Variants in ADAM22 observed in about 807,000 individuals in gnomAD.
ADAM22 encodes the protein ADAM metallopeptidase domain 22, also known as disintegrin and metalloproteinase domain-containing protein 22.
In ADAM22, 65 loss-of-function variants were observed where a neutral mutation model predicts 144.6. The observed-to-expected ratio is 0.45, with a 90% CI of 0.37 to 0.55. The LOEUF (loss-of-function observed/expected upper bound fraction) is 0.55. Ranked by LOEUF, ADAM22 falls within the 20% of genes least tolerant of loss-of-function variation. The pLI, the probability that ADAM22 is intolerant of heterozygous loss-of-function variation, is 0.00. For missense variants in ADAM22, 974 were observed against 1,184.9 expected (o/e 0.82, Z 2.61); for synonymous variants, 391 against 412.6 (o/e 0.95, Z 0.63).
intron 4 of ADAM22, among the ~76,000 whole-genome samples, chr7:88,101,787 G>C (rs939117501): frequency 2.0e-5 from 3 of 152,188 alleles, no homozygotes; most frequent in African/African-American, 7.2e-5. Context: ...AGGAGCTTCA[G>C]AATCAGAAAC....
At chr7:87,961,378 A>G (rs1847960945) in intron 2 of ADAM22, among the ~76,000 whole-genome samples, 1 of 152,182 alleles carries the variant, frequency 6.6e-6, no homozygotes. Flanking sequence ...TTCTTGTGGT[A>G]TTTTTGGTTT....
At chr7:88,110,501 T>TGGACCTGA (rs1417952406) in intron 5 of ADAM22, among the ~76,000 whole-genome samples, 2 of 152,016 alleles carry the variant, frequency 1.3e-5, no homozygotes, top group African/African-American at 4.8e-5. Flanking sequence ...GGGCTATAAA[T>TGGACCTGA]GGACCTGAGA....
intron 4 of ADAM22, among the ~76,000 whole-genome samples, chr7:88,095,588 C>T (rs1022508604): frequency 1.3e-5 from 2 of 152,176 alleles, no homozygotes; most frequent in African/African-American, 4.8e-5. Flanking sequence ...GGCTCACATT[C>T]ATGCGTTTTC....
At chr7:88,041,736 G>C (rs1233364692) in intron 3 of ADAM22, among the ~76,000 whole-genome samples, 3 of 151,810 alleles carry the variant, frequency 2.0e-5, no homozygotes, top group Non-Finnish European at 4.4e-5. Context: ...GCCTTCCTCT[G>C]TCTTCCCAGA....
intron 3 of ADAM22, among the ~76,000 whole-genome samples, chr7:88,044,554 C>A (rs1298572473): frequency 6.6e-6 from 1 of 151,800 alleles, no homozygotes; most frequent in African/African-American, 2.4e-5. Flanking sequence ...TCAATCAATT[C>A]TCCTGCCTCA....
chr7:87,976,973 G>A (rs1216490059), intron 2 of ADAM22, among the ~76,000 whole-genome samples: 1 of 151,688 alleles, frequency 6.6e-6, no homozygotes, highest in East Asian at 1.9e-4. Flanking sequence ...TGGCAGAGGT[G>A]GAAATGAAGG....
chr7:88,055,684 G>A (rs1233630950), intron 3 of ADAM22, among the ~76,000 whole-genome samples: 3 of 152,194 alleles, frequency 2.0e-5, no homozygotes, highest in African/African-American at 7.2e-5. Flanking sequence ...TCTCCATAGG[G>A]AGGGTAAGAA....
rs934516165 is a variant in ADAM22 at position 88,044,294 on chromosome 7, TATG to T, written c.324-31322_324-31320del. ...GATTCTGCATCATATCATCTATGAT[TATG>T]ATGATGATGTCTTTAGAGTGCTCAG... On this transcript the variant is annotated intron_variant, in intron 3 of 31. Coordinates refer to ENST00000413139, the MANE Select transcript of ADAM22 (RefSeq NM_001324418.2). 7.2e-5 allele frequency among the ~76,000 whole-genome samples: 11 copies of T among 152,306 alleles called. No individual in the cohort carries two copies. The South Asian group carries it at 2.3e-3, about 32-fold the overall frequency.
At chr7:88,128,270 A>G (rs1428392433) in intron 8 of ADAM22, among the ~76,000 whole-genome samples, 2 of 152,092 alleles carry the variant, frequency 1.3e-5, no homozygotes, top group Non-Finnish European at 2.9e-5. Context: ...AATAAAGGAC[A>G]TATTCACATT....
intron 3 of ADAM22, among the ~76,000 whole-genome samples, chr7:88,070,983 G>C (rs1236214755): frequency 6.6e-6 from 1 of 152,150 alleles, no homozygotes; most frequent in Non-Finnish European, 1.5e-5. Context: ...GCAGTGTTGT[G>C]ATGAGGGACC....
intron 3 of ADAM22, among the ~76,000 whole-genome samples, chr7:87,979,900 C>G (rs1349080894): frequency 6.6e-6 from 1 of 152,136 alleles, no homozygotes; most frequent in Admixed American, 6.5e-5. Context: ...TTTAATAACT[C>G]CCTTCCATCC....
chr7:88,107,109 T>C (rs1824591267), intron 4 of ADAM22, among the ~76,000 whole-genome samples: 1 of 151,864 alleles, frequency 6.6e-6, no homozygotes, highest in African/African-American at 2.4e-5. Context: ...TCCATCAATA[T>C]AATTTAGTGA....
intron 4 of ADAM22, among the ~76,000 whole-genome samples, chr7:88,091,446 C>A (rs1365696491): frequency 6.6e-6 from 1 of 152,114 alleles, no homozygotes; most frequent in Non-Finnish European, 1.5e-5. Flanking sequence ...GTATGTCTTT[C>A]AATCCTATGA....
intron 3 of ADAM22, among the ~76,000 whole-genome samples, chr7:88,051,824 G>T (rs544748296): frequency 6.6e-6 from 1 of 151,902 alleles, no homozygotes; most frequent in East Asian, 1.9e-4. Context: ...ATTGACTATT[G>T]AAAGGGTCTT....
chr7:88,000,434 T>C (rs17150107), intron 3 of ADAM22, among the ~76,000 whole-genome samples: 4,140 of 152,290 alleles, frequency 0.027, 183 homozygotes, highest in African/African-American at 0.094. Context: ...CATTGTTTTT[T>C]ATTTTATGAT....
At chr7:88,069,268 T>C (rs191660961) in intron 3 of ADAM22, among the ~76,000 whole-genome samples, 43 of 152,024 alleles carry the variant, frequency 2.8e-4, no homozygotes, top group African/African-American at 9.4e-4. Context: ...CCTTCTCTCC[T>C]TCTCTCCTTC....
chr7:87,990,244 C>T (rs192188199), intron 3 of ADAM22, among the ~76,000 whole-genome samples: 1 of 152,126 alleles, frequency 6.6e-6, no homozygotes, highest in Non-Finnish European at 1.5e-5. Context: ...GAGGTATGGC[C>T]AGTGGCACTG....
intron 3 of ADAM22, among the ~76,000 whole-genome samples, chr7:88,029,610 T>C (rs1040767429): frequency 6.6e-6 from 1 of 152,210 alleles, no homozygotes; most frequent in African/African-American, 2.4e-5. Flanking sequence ...TAATGTCCTT[T>C]TCTTTCAGAT....
At chr7:88,137,290 TGTGA>T (rs1399273769) in intron 14 of ADAM22, among the ~76,000 whole-genome samples, 22 of 152,206 alleles carry the variant, frequency 1.4e-4, no homozygotes, top group African/African-American at 5.3e-4. Context: ...TGAGAAATTG[TGTGA>T]GTCTCTGATG....
Sources: allele counts gnomAD v4.1 joint callset (sites outside exome capture counted in the v4.1 genomes callset), GRCh38; gene constraint gnomAD v4.1.1; transcripts MANE v1.5; gene names NCBI Gene and HGNC (gene_info 2026-07-23, HGNC 2026-07-21).